The following IGF2R variants were observed in gnomAD, a reference collection of about 807,000 sequenced individuals.
The protein encoded by IGF2R is cation-independent mannose-6-phosphate receptor.
A neutral mutation model predicts 270.6 loss-of-function variants in IGF2R; 91 were observed. That is an observed-to-expected ratio of 0.34 (90% CI 0.28 to 0.40). IGF2R has a LOEUF of 0.40. IGF2R is among the 10% of genes least tolerant of loss of function. The pLI is 1.00. For missense variants in IGF2R, 2,805 were observed against 3,188.3 expected, an observed-to-expected ratio of 0.88 and a Z score of 2.90; for synonymous variants, 1,316 against 1,258.9, an observed-to-expected ratio of 1.05 and a Z score of -0.96.
At chr6:160,031,059 C>T (rs1777685244) in intron 7 of IGF2R, among the ~76,000 whole-genome samples, 1 of 152,108 alleles carries the variant, frequency 6.6e-6, no homozygotes, top group Non-Finnish European at 1.5e-5. Context: ...CCAGGCTGGT[C>T]TTGAACTCCC....
At position 159,982,389 on chromosome 6, in the gene IGF2R, C is replaced by G. The variant is rs574516266; in HGVS notation, c.150-8795C>G. Among the ~76,000 whole-genome samples, 7 of 152,224 alleles carry G rather than the reference C, an allele frequency of 4.6e-5. No individual in the cohort carries two copies. The South Asian group carries it at 1.5e-3, about 32-fold the overall frequency. On this transcript the variant is annotated intron_variant, in intron 1 of 47. Coordinates refer to ENST00000356956, the MANE Select transcript of IGF2R (RefSeq NM_000876.4). ...TCTGTTAGAGGACTTGCGTGCATGT[C>G]GAAAGTAGGAGAATCTTTTTTGGAT... is the stretch of plus-strand genomic sequence containing the variant.
intron 1 of IGF2R, among the ~76,000 whole-genome samples, chr6:159,980,221 AAGAAAG>A (rs1267328717): frequency 7.2e-6 from 1 of 138,202 alleles, no homozygotes; most frequent in Non-Finnish European, 1.6e-5. Context: ...GAAAGAAAGA[AAGAAAG>A]AAAGAAAGAA....
intron 2 of IGF2R, among the ~76,000 whole-genome samples, chr6:160,000,728 G>GT (rs59215791): frequency 0.18 from 12,613 of 70,112 alleles, 1,984 homozygotes; most frequent in East Asian, 0.37. Context: ...GTGTGAGGTT[G>GT]TTTTTTTTTT....
Position 160,062,584 on chromosome 6 carries a change from G to C in IGF2R, c.3635G>C (p.Arg1212Thr), listed in dbSNP as rs1344322571. 6.2e-7 allele frequency: 1 copy of C among 1,613,888 alleles called. No individual in the cohort carries two copies. The highest frequency in any genetic ancestry group is 1.3e-5 in the African/African-American group (1 of 74,914). Reference protein sequence around the residue: ...QDGCEYVFIWRTVEACPVVRV... With the variant: ...QDGCEYVFIWTTVEACPVVRV... Reference sequence around the variant, plus strand: ...GGTTGTGAGTACGTGTTTATCTGGAGAACTGTGGAAGCCTGTCCCGTTGTC... The same window carrying C: ...GGTTGTGAGTACGTGTTTATCTGGACAACTGTGGAAGCCTGTCCCGTTGTC... Residue 1212 changes from arginine to threonine, a missense_variant, in exon 26 of 48, where the codon AGA becomes ACA. Transcript: ENST00000356956.
At chr6:160,038,642 G>T (rs187745611) in intron 10 of IGF2R, among the ~76,000 whole-genome samples, 1 of 152,270 alleles carries the variant, frequency 6.6e-6, no homozygotes, top group East Asian at 1.9e-4. Context: ...GATGAAGAGA[G>T]GCAGAGGCGC....
intron 1 of IGF2R, among the ~76,000 whole-genome samples, chr6:159,971,894 T>C (rs1003859122): frequency 6.6e-6 from 1 of 152,182 alleles, no homozygotes; most frequent in African/African-American, 2.4e-5. Context: ...TATCCTCAAG[T>C]AATCTTCCTG....
Position 160,061,527 on chromosome 6 carries a change from T to C in IGF2R, c.3287T>C (p.Leu1096Pro). 6.2e-7 allele frequency: 1 copy of C among 1,614,136 alleles called. No homozygotes were observed. Among genetic ancestry groups the C allele is most frequent in the Non-Finnish European group, 8.5e-7 (1 of 1,179,998 alleles). The change falls in exon 24 of 48, where the codon CTG becomes CCG. Residue 1096 changes from leucine (L) to proline (P), a missense_variant. Around this residue, in one of 2 missense-constraint regions of IGF2R, gnomAD observed 1,851 missense variants for 2,207.2 expected, o/e 0.84. Transcript: ENST00000356956. Reference protein sequence around the residue: ...VTDLAGNEYDLTGLSTVRKPW... With the variant: ...VTDLAGNEYDPTGLSTVRKPW... ...GACCTGGCTGGAAATGAGTACGACCTGACTGGCCTAAGCACAGTCAGGAAA... is the reference window on the plus strand; with the variant it reads ...GACCTGGCTGGAAATGAGTACGACCCGACTGGCCTAAGCACAGTCAGGAAA...
At chr6:160,033,577 G>T (rs1308454475) in intron 9 of IGF2R, among the ~76,000 whole-genome samples, 1 of 152,232 alleles carries the variant, frequency 6.6e-6, no homozygotes, top group Non-Finnish European at 1.5e-5. Flanking sequence ...GTTGCCGTTT[G>T]TCACTAAACA....
Position 160,056,458 on chromosome 6 carries a change from G to A in IGF2R, c.2729G>A (p.Cys910Tyr). The A allele has an allele frequency of 6.2e-7, 1 of 1,614,128 alleles. No individual in the cohort carries two copies. The highest frequency in any genetic ancestry group is 8.5e-7 in the Non-Finnish European group (1 of 1,179,974). ...SHPIFSLNWECVVSFLWNTEA... is the reference protein window; with the variant it reads ...SHPIFSLNWEYVVSFLWNTEA... ...CCCATCTTTTCTCTCAACTGGGAGT[G>A]TGTGGTCAGTTTCCTGTGGAACACA... The change falls in exon 20 of 48, where the codon TGT becomes TAT. Residue 910 changes from cysteine (C) to tyrosine (Y), a missense_variant. By Grantham distance (194) the Cys-to-Tyr change is radical. Around this residue, in one of 2 missense-constraint regions of IGF2R, gnomAD observed 1,851 missense variants for 2,207.2 expected, o/e 0.84. Coordinates refer to ENST00000356956, the MANE Select transcript of IGF2R (RefSeq NM_000876.4).
At chr6:160,011,528 A>T (rs886348160) in intron 4 of IGF2R, among the ~76,000 whole-genome samples, 2 of 148,450 alleles carry the variant, frequency 1.3e-5, no homozygotes, top group African/African-American at 5.0e-5. Flanking sequence ...AGCTAATTAC[A>T]TATGTGTTAC....
At chr6:159,973,508 G>A (rs1783642392) in intron 1 of IGF2R, among the ~76,000 whole-genome samples, 1 of 152,206 alleles carries the variant, frequency 6.6e-6, no homozygotes, top group Non-Finnish European at 1.5e-5. Flanking sequence ...GCTGGGAGTT[G>A]AGGTTGGTTT....
Position 160,102,577 on chromosome 6 carries a change from G to C in IGF2R, c.6901G>C (p.Glu2301Gln), listed in dbSNP as rs149190879. Residue 2301 changes from glutamate to glutamine, a missense_variant, in exon 46 of 48, where the codon GAA becomes CAA. Coordinates refer to ENST00000356956, the MANE Select transcript of IGF2R (RefSeq NM_000876.4). The surrounding 1 kb of genome is among the most constrained non-coding windows in gnomAD (Gnocchi z 4.5). The part of the protein sequence containing the change: ...DDGQMHKGLS[E>Q]RSQAVGAVLS... ...CGGGCAGATGCACAAGGGGCTGTCA[G>C]AACGGAGCCAGGCAGTCGGCGCGGT... 1.2e-6 allele frequency: 2 copies of C among 1,613,572 alleles called. No homozygotes were observed. Among genetic ancestry groups the C allele is most frequent in the African/African-American group, 2.7e-5 (2 of 74,934 alleles).
At chr6:160,065,959 A>G (rs894607574) in intron 29 of IGF2R, among the ~76,000 whole-genome samples, 1 of 135,078 alleles carries the variant, frequency 7.4e-6, no homozygotes, top group East Asian at 2.2e-4. Context: ...CTGTCTCAGC[A>G]TCCCTAGTAG....
At chr6:160,032,014 A>G (rs1033620063) in intron 7 of IGF2R, among the ~76,000 whole-genome samples, 1 of 152,214 alleles carries the variant, frequency 6.6e-6, no homozygotes, top group African/African-American at 2.4e-5. Flanking sequence ...GGCTTCACCC[A>G]GGAGCAGGTG....
chr6:160,062,006 T>C, intron 25 of IGF2R, 78 bp downstream of exon 25: 1 of 1,387,370 alleles, frequency 7.2e-7, no homozygotes, highest in South Asian at 1.3e-5. Flanking sequence ...CTGAATCTTC[T>C]ATCTTGTTTA....
At chr6:160,060,480 C>A in intron 22 of IGF2R, 67 bp from the exon 23 acceptor site, 1 of 1,521,262 alleles carries the variant, frequency 6.6e-7, no homozygotes, top group Non-Finnish European at 9.0e-7. Context: ...TGTTGCTGCA[C>A]TGTGCTTGTG....
At position 160,035,898 on chromosome 6, in the gene IGF2R, G is replaced by A. The variant is rs559310117; in HGVS notation, c.1315+1376G>A. On this transcript the variant is annotated intron_variant, in intron 10 of 47. Coordinates refer to ENST00000356956, the MANE Select transcript of IGF2R (RefSeq NM_000876.4). ...CTGGGCTGGGTGCAGGGGTCAGGCA[G>A]TTCAGAGAGGAGGAAGTGCTGCCTG... Among the ~76,000 whole-genome samples, 13 of 152,308 alleles carry A rather than the reference G, an allele frequency of 8.5e-5. No homozygotes were observed. The South Asian group carries it at 2.5e-3, about 29-fold the overall frequency.
At chr6:160,030,870 C>T (rs1481517270) in intron 7 of IGF2R, among the ~76,000 whole-genome samples, 1 of 150,904 alleles carries the variant, frequency 6.6e-6, no homozygotes, top group East Asian at 1.9e-4. Flanking sequence ...GTCGCCCCGG[C>T]CGGAGTGCAG....
At chr6:159,983,214 C>T (rs1405393245) in intron 1 of IGF2R, among the ~76,000 whole-genome samples, 1 of 152,158 alleles carries the variant, frequency 6.6e-6, no homozygotes, top group East Asian at 1.9e-4. Flanking sequence ...CGATTGGTTT[C>T]GTCTGGACCA....
Sources: gnomAD v4.1 joint callset for allele counts (sites outside exome capture counted in the v4.1 genomes callset) on GRCh38, gnomAD v4.1.1 for gene constraint, gnomAD v4.1.1 regional missense constraint, Gnocchi (gnomAD v3.1) non-coding constraint, MANE v1.5 for transcripts, NCBI Gene and HGNC (gene_info 2026-07-23, HGNC 2026-07-21) for gene names.